ARHGEF10: variants seen among roughly 807,000 people sequenced by gnomAD.
The protein encoded by ARHGEF10 is Rho guanine nucleotide exchange factor (GEF) 10.
A neutral mutation model predicts 147.4 loss-of-function variants in ARHGEF10; 140 were observed. That is an observed-to-expected ratio of 0.95 (90% CI 0.83 to 1.09). The LOEUF (loss-of-function observed/expected upper bound fraction) is 1.09, where lower values mean the gene tolerates loss of function less well. ARHGEF10 is among the 50% of genes least tolerant of loss of function. The probability of loss-of-function intolerance (pLI) is 0.00; values close to 1 mark genes in which losing one functional copy is unlikely to be tolerated. For missense variants in ARHGEF10, 2,222 were observed against 1,752.7 expected (o/e 1.27, Z -4.78); for synonymous variants, 902 against 695.8 (o/e 1.30, Z -4.67).
At chr8:1,952,891 G>A (rs1815172527) in intron 28 of ARHGEF10, 64 bp downstream of exon 28, 3 of 1,608,198 alleles carry the variant, frequency 1.9e-6, no homozygotes, top group South Asian at 2.2e-5. Flanking sequence ...GCATAGCAGT[G>A]TGTAGTGTGA....
At position 1,928,591 on chromosome 8, in the gene ARHGEF10, G is replaced by A. The variant is rs746699841; in HGVS notation, c.2862G>A (p.Glu954=). 6.2e-7 allele frequency: 1 copy of A among 1,614,208 alleles called. No homozygotes were observed. The highest frequency in any genetic ancestry group is 8.5e-7 in the Non-Finnish European group (1 of 1,180,034). ...AGCCTGGGGCACCCCCGGACCCCGAGACCCCGGCCGTGAGAGCTTCTGATG... is the reference window on the plus strand; with the variant it reads ...AGCCTGGGGCACCCCCGGACCCCGAAACCCCGGCCGTGAGAGCTTCTGATG... ...RREPGAPPDP[E]TPAVRASDVP... Residue 954 remains glutamate (E), a synonymous_variant, in exon 24 of 29, where the codon GAG becomes GAA. Coordinates refer to ENST00000349830, the MANE Select transcript of ARHGEF10 (RefSeq NM_014629.4).
At chr8:1,910,781 A>G (rs1811298531) in intron 18 of ARHGEF10, among the ~76,000 whole-genome samples, 1 of 152,254 alleles carries the variant, frequency 6.6e-6, no homozygotes, top group South Asian at 2.1e-4. Flanking sequence ...TTTGTGAACA[A>G]AAACACCTTC....
At chr8:1,875,828 G>A (rs1807649117) in intron 7 of ARHGEF10, among the ~76,000 whole-genome samples, 1 of 152,192 alleles carries the variant, frequency 6.6e-6, no homozygotes, top group African/African-American at 2.4e-5. Flanking sequence ...AATTACTAAG[G>A]ATTTTTAAGG....
intron 26 of ARHGEF10, among the ~76,000 whole-genome samples, chr8:1,936,511 A>G (rs911008505): frequency 6.6e-6 from 1 of 151,548 alleles, no homozygotes; most frequent in Non-Finnish European, 1.5e-5. Flanking sequence ...CCCTGTCTCA[A>G]AAAAAAAATT....
intron 4 of ARHGEF10, among the ~76,000 whole-genome samples, chr8:1,861,030 A>C (rs1806085861): frequency 1.3e-5 from 2 of 152,192 alleles, no homozygotes; most frequent in Non-Finnish European, 2.9e-5. Context: ...AGAGTCGGCC[A>C]CTGAGGACGG....
intron 26 of ARHGEF10, among the ~76,000 whole-genome samples, chr8:1,944,229 G>C (rs1421124337): frequency 1.4e-4 from 21 of 149,364 alleles, no homozygotes; most frequent in African/African-American, 4.0e-4. Context: ...TCGCCTCCCT[G>C]GGGGCCCCAG....
rs113760057 is a variant in ARHGEF10, at chr8:1,926,148, A to G, written c.2611-229A>G. ...TTCAGTGTGCTGATGGGATCTAAAG[A>G]TTAAGATACCAAAGGTTGAATCTCC... On this transcript the variant is annotated intron_variant, in intron 22 of 28. Coordinates refer to ENST00000349830, the MANE Select transcript of ARHGEF10 (RefSeq NM_014629.4). Among the ~76,000 whole-genome samples, 1,208 of 152,312 alleles carry G rather than the reference A, an allele frequency of 7.9e-3. 3 individuals are homozygous for G. Among genetic ancestry groups the G allele is most frequent in the Middle Eastern group, 0.02 (6 of 294 alleles).
intron 26 of ARHGEF10, among the ~76,000 whole-genome samples, chr8:1,944,400 C>T (rs1814387976): frequency 6.6e-6 from 1 of 152,224 alleles, no homozygotes; most frequent in Non-Finnish European, 1.5e-5. Flanking sequence ...AGAGGCGATG[C>T]CATGGGAGAA....
chr8:1,830,701 A>G (rs574474658), intron 1 of ARHGEF10, among the ~76,000 whole-genome samples: 1 of 152,340 alleles, frequency 6.6e-6, no homozygotes, highest in East Asian at 1.9e-4. Context: ...TTCAGGAAAG[A>G]TGATTTAAGA....
At chr8:1,851,678 C>T (rs983485896) in intron 2 of ARHGEF10, among the ~76,000 whole-genome samples, 7 of 152,064 alleles carry the variant, frequency 4.6e-5, no homozygotes, top group Non-Finnish European at 7.4e-5. Flanking sequence ...TTTGGGAGGC[C>T]GAGGCAGGAG....
chr8:1,880,731 C>T (rs965525089), intron 9 of ARHGEF10, among the ~76,000 whole-genome samples: 5 of 152,134 alleles, frequency 3.3e-5, no homozygotes, highest in Non-Finnish European at 5.9e-5. Flanking sequence ...CTGTTCTGAG[C>T]GATGTCTTTT....
At position 1,896,394 on chromosome 8, in the gene ARHGEF10, T is replaced by C; in HGVS notation, c.1502T>C (p.Val501Ala). 1 of 1,614,094 alleles carries C rather than the reference T, an allele frequency of 6.2e-7. No individual in the cohort carries two copies. The highest frequency in any genetic ancestry group is 1.3e-5 in the African/African-American group (1 of 75,030). Residue 501 changes from valine (V) to alanine (A), a missense_variant, in exon 14 of 29, where the codon GTG (valine) becomes GCG (alanine). Val to Ala is a moderately conservative substitution (Grantham distance 64). Coordinates refer to ENST00000349830, the MANE Select transcript of ARHGEF10 (RefSeq NM_014629.4). Reference protein sequence around the residue: ...SEYVNNFSTAVAVLKKTCATK... With the variant: ...SEYVNNFSTAAAVLKKTCATK... The stretch of plus-strand genomic sequence containing the variant: ...TATGTGAACAATTTCAGCACAGCCG[T>C]GGCAGTCCTCAAGAAAACATGTGCC...
chr8:1,853,481 T>C (rs115395135), intron 2 of ARHGEF10, among the ~76,000 whole-genome samples: 121 of 152,356 alleles, frequency 7.9e-4, no homozygotes, highest in African/African-American at 2.7e-3. Context: ...GAGCATCTTT[T>C]CTAGTTTGCA....
chr8:1,841,488 G>C (rs1463345540), intron 1 of ARHGEF10, among the ~76,000 whole-genome samples: 1 of 152,170 alleles, frequency 6.6e-6, no homozygotes, highest in Non-Finnish European at 1.5e-5. Context: ...GCATTGTTAA[G>C]CTACAGAGTG....
rs192749135 is a variant in ARHGEF10 at position 1,897,231 on chromosome 8, C to A, written c.1557+782C>A. 1.7e-3 allele frequency among the ~76,000 whole-genome samples: 265 copies of A among 152,362 alleles called. 2 individuals are homozygous for A. The highest frequency in any genetic ancestry group is 3.4e-3 in the Non-Finnish European group (229 of 68,042). ...GGGCAAGTATTCTCGCCCACAGCAA[C>A]GTGTCATTGAAGCTGGAATTTTTTC... is the stretch of plus-strand genomic sequence containing the variant. On this transcript the variant is annotated intron_variant, in intron 14 of 28. Transcript: ENST00000349830.
At chr8:1,926,859 A>T in intron 23 of ARHGEF10, 1 of 308,824 alleles carries the variant, frequency 3.2e-6, no homozygotes, top group Non-Finnish European at 6.2e-6. Flanking sequence ...CAAATGAAAT[A>T]TTGCATCTGA....
intron 18 of ARHGEF10, among the ~76,000 whole-genome samples, chr8:1,917,447 A>G (rs1389057196): frequency 6.6e-6 from 1 of 152,218 alleles, no homozygotes; most frequent in African/African-American, 2.4e-5. Context: ...GGAGGTTCTC[A>G]GGGACCGAGC....
chr8:1,877,084 G>T (rs558957804), intron 8 of ARHGEF10, among the ~76,000 whole-genome samples: 7 of 152,188 alleles, frequency 4.6e-5, no homozygotes, highest in Admixed American at 1.3e-4. Context: ...AGATGGGATC[G>T]GGGTTCCCTA....
rs189754075 is a variant in ARHGEF10 at position 1,836,624 on chromosome 8, G to C, written c.-47-6729G>C. ...TCGGAGTTGGGGGAGCAGGCTGTGG[G>C]GGGGAGAAGCGCATGCTGCCGTGGG... On this transcript the variant is annotated intron_variant, in intron 1 of 28. Coordinates refer to ENST00000349830, the MANE Select transcript of ARHGEF10 (RefSeq NM_014629.4). Among the ~76,000 whole-genome samples the C allele has an allele frequency of 8.4e-3, 1,285 of 152,268 alleles. 15 individuals carry two copies. Among genetic ancestry groups the C allele is most frequent in the African/African-American group, 0.028 (1,150 of 41,548 alleles).
Sources: allele counts gnomAD v4.1 joint callset (sites outside exome capture counted in the v4.1 genomes callset), GRCh38; gene constraint gnomAD v4.1.1; transcripts MANE v1.5; gene names NCBI Gene and HGNC (gene_info 2026-07-23, HGNC 2026-07-21).